The following ZNF385A variants were observed in gnomAD, a reference collection of about 807,000 sequenced individuals.
ZNF385A encodes hematopoietic zinc finger protein.
A neutral mutation model predicts 32.1 loss-of-function variants in ZNF385A; 14 were observed. The ratio of observed to expected loss-of-function variants is 0.44; its 90% CI spans 0.29 to 0.68. The LOEUF is 0.68. Among genes scored for constraint, ZNF385A ranks in the 30% least tolerant of loss-of-function variants. The probability of loss-of-function intolerance (pLI) is 0.14; values close to 1 mark genes in which losing one functional copy is unlikely to be tolerated. For missense variants in ZNF385A, 406 were observed against 478.4 expected (o/e 0.85, Z 1.41); for synonymous variants, 197 against 202.7 (o/e 0.97, Z 0.24).
rs1305223778 is a variant in ZNF385A at position 54,375,778 on chromosome 12, C to T, written c.198+66G>A. ...GTAAGTGTTCTCACCCAGCCTCTGC[C>T]CTCCCTCAAGTTCCCCTGCTGCCCC... On this transcript the variant is annotated intron_variant, in intron 2 of 6. Coordinates refer to ENST00000394313, the MANE Select transcript of ZNF385A (RefSeq NM_015481.3). The T allele has an allele frequency of 2.2e-6, 3 of 1,392,530 alleles. No individual in the cohort carries two copies. In the African/African-American group the frequency reaches 4.3e-5, roughly 20 times the overall value. The allele number at this position is 1,392,530 out of a possible 1,614,324, so 86.3% of individuals were successfully genotyped here.
upstream of ZNF385A, among the ~76,000 whole-genome samples, chr12:54,388,605 A>T (rs1955555273): frequency 6.6e-6 from 1 of 152,110 alleles, no homozygotes; most frequent in South Asian, 2.1e-4. Context: ...GATCAGAGAG[A>T]GATATTGGGG....
At chr12:54,381,168 C>T (rs1284599601) in intron 1 of ZNF385A, 4 of 147,664 alleles carry the variant, frequency 2.7e-5, no homozygotes, top group Admixed American at 6.8e-5. Context: ...TGCACTCCAG[C>T]CTGGGGGACA....
rs1171166652 is a variant in ZNF385A, at chr12:54,370,733, A to G, written c.775-12T>C. ...CGGCTGGAGATGTGCTGCGGGGGCC[A>G]GTGGATAGGGGGCTGTGAGCTCCCG... On this transcript the variant is annotated splice_polypyrimidine_tract_variant and intron_variant, in intron 5 of 6. Transcript: ENST00000394313. The surrounding 1 kb of genome is among the most constrained non-coding windows in gnomAD (Gnocchi z 5.5). The G allele has an allele frequency of 1.3e-6, 2 of 1,582,468 alleles. No individual in the cohort carries two copies. The highest frequency in any genetic ancestry group is 1.8e-5 in the Admixed American group (1 of 55,816).
upstream of ZNF385A, chr12:54,385,590 G>T (rs1007418722): frequency 4.1e-6 from 4 of 968,666 alleles, no homozygotes; most frequent in African/African-American, 5.3e-5. Context: ...CTGCGTGCTT[G>T]GCCCGTCCTC....
chr12:54,379,267 G>A, intron 1 of ZNF385A: 1 of 900,824 alleles, frequency 1.1e-6, no homozygotes. Context: ...GGCCGAGGAC[G>A]GGGGCGGGGA....
chr12:54,379,059 G>A, intron 1 of ZNF385A: 1 of 984,114 alleles, frequency 1.0e-6, no homozygotes, highest in Non-Finnish European at 1.2e-6. Context: ...GGGGCCGGGT[G>A]GCTTACCCTG....
chr12:54,374,156 A>T (rs373542422), intron 2 of ZNF385A, 21 bp from the exon 3 acceptor site: 7 of 1,481,914 alleles, frequency 4.7e-6, no homozygotes, highest in Non-Finnish European at 6.3e-6. Context: ...GGAGGAAGAA[A>T]ATGGAATCTG....
chr12:54,384,497 G>A lies in ZNF385A; in HGVS notation c.18C>T (p.Asp6=). The A allele has an allele frequency of 6.4e-7, 1 of 1,571,366 alleles. No homozygotes were observed. Among genetic ancestry groups the A allele is most frequent in the African/African-American group, 1.4e-5 (1 of 73,224 alleles). The change falls in exon 1 of 7, where the codon GAC becomes GAT. Residue 6 remains aspartate, a synonymous_variant. Transcript: ENST00000394313. MQPPL[D]LKQILPFPLE... ...GTGGGAAGGGCAGGATCTGCTTGAGGTCCAGTGGGGGCTGCATGATCGGGG... is the reference window on the plus strand; with the variant it reads ...GTGGGAAGGGCAGGATCTGCTTGAGATCCAGTGGGGGCTGCATGATCGGGG...
chr12:54,370,137 TGG>T lies in ZNF385A; in HGVS notation c.*117_*118del, dbSNP rs3215379. ...TTTCCTGGAACCCCGTATCTCGGGG[TGG>T]GGGGGGGGAAGGAGAGATCATTTAG... On this transcript the variant is annotated 3_prime_UTR_variant, in exon 7 of 7. Transcript: ENST00000394313. This position sits in a 1 kb window ranked among gnomAD's most constrained non-coding sequence, Gnocchi z 5.5. 235 of 462,072 alleles carry T rather than the reference TGG, an allele frequency of 5.1e-4. 1 individual carries two copies. Among genetic ancestry groups the T allele is most frequent in the African/African-American group, 4.7e-3 (158 of 33,628 alleles). 28.6% of individuals were successfully genotyped at this position (462,072 alleles called of 1,614,324 possible).
rs1024386691 is a variant in ZNF385A at position 54,379,119 on chromosome 12, T to TGG, written c.88-3167_88-3166dup. ...ATGGCCCGGGGTGGCGGACCCGGGC[T>TGG]GGGGGGCCGCGCCTGGCCGGGCCGG... is the stretch of plus-strand genomic sequence containing the variant. On this transcript the variant is annotated intron_variant, in intron 1 of 6. Coordinates refer to ENST00000394313, the MANE Select transcript of ZNF385A (RefSeq NM_015481.3). 4.1e-6 allele frequency: 4 copies of TGG among 975,774 alleles called. No homozygotes were observed. In the Admixed American group the frequency reaches 2.6e-4, roughly 62 times the overall value. The allele number at this position is 975,774 out of a possible 1,614,324, so 60.4% of individuals were successfully genotyped here.
Position 54,371,571 on chromosome 12 carries a change from C to G in ZNF385A, c.506G>C (p.Gly169Ala). Reference protein sequence around the residue: ...GTPAPASLPGGSKEEEEKAKR... With the variant: ...GTPAPASLPGASKEEEEKAKR... ...GGCTTTCTCCTCCTCTTCCTTGCTACCCCCAGGCAAGGAAGCCGGGGCTGG... is the reference window on the plus strand; with the variant it reads ...GGCTTTCTCCTCCTCTTCCTTGCTAGCCCCAGGCAAGGAAGCCGGGGCTGG... The change falls in exon 4 of 7, where the codon GGT becomes GCT. Residue 169 changes from glycine (G) to alanine (A), a missense_variant. By Grantham distance (60) the Gly-to-Ala change is moderately conservative. Coordinates refer to ENST00000394313, the MANE Select transcript of ZNF385A (RefSeq NM_015481.3). The G allele has an allele frequency of 6.2e-7, 1 of 1,613,682 alleles. No homozygotes were observed. The highest frequency in any genetic ancestry group is 8.5e-7 in the Non-Finnish European group (1 of 1,179,806).
chr12:54,375,733 A>T, intron 2 of ZNF385A, 111 bp downstream of exon 2: 2 of 905,326 alleles, frequency 2.2e-6, no homozygotes, highest in Non-Finnish European at 1.8e-6. Flanking sequence ...TATCCCCTTA[A>T]TCCCTGCCCC....
intron 1 of ZNF385A, among the ~76,000 whole-genome samples, chr12:54,381,120 C>G (rs1231890073): frequency 6.8e-6 from 1 of 147,808 alleles, no homozygotes; most frequent in Non-Finnish European, 1.5e-5. Flanking sequence ...TACTTGAACC[C>G]AAGAGGCTGA....
At chr12:54,387,030 G>C (rs1442156106), upstream of ZNF385A, among the ~76,000 whole-genome samples, 4 of 152,192 alleles carry the variant, frequency 2.6e-5, no homozygotes, top group Non-Finnish European at 4.4e-5. Context: ...AGATCTGCTG[G>C]ACTCTACAGC....
chr12:54,389,633 G>T (rs1001528341), upstream of ZNF385A, among the ~76,000 whole-genome samples: 12 of 152,166 alleles, frequency 7.9e-5, no homozygotes, highest in African/African-American at 2.9e-4. Context: ...GGGAAAGCAC[G>T]GCTTATGCCA....
intron 4 of ZNF385A, 93 bp from the exon 5 acceptor site, chr12:54,371,189 G>T: frequency 7.2e-7 from 1 of 1,390,128 alleles, no homozygotes; most frequent in Non-Finnish European, 9.7e-7. Context: ...TACAATATGA[G>T]GGGGAAGAGG....
In ZNF385A at chr12:54,371,658, G is replaced by C; in HGVS notation, c.419C>G (p.Ser140Cys). ...CTCCGGAATGCTGGGAGGGGATGGG[G>C]AGCCAGGCTGTTTCTCTGGGGATCC... ...APGSPEKQPGSPSPPSIPETG... is the reference protein window; with the variant it reads ...APGSPEKQPGCPSPPSIPETG... The change falls in exon 4 of 7, where the codon TCC becomes TGC. Residue 140 changes from serine (S) to cysteine (C), a missense_variant. By Grantham distance (112) the Ser-to-Cys change is moderately radical. Transcript: ENST00000394313. 6.2e-7 allele frequency: 1 copy of C among 1,610,384 alleles called. No homozygotes were observed. Among genetic ancestry groups the C allele is most frequent in the Non-Finnish European group, 8.5e-7 (1 of 1,178,888 alleles).
In ZNF385A at chr12:54,370,142, G is replaced by C. The variant is rs534737195; in HGVS notation, c.*114C>G. 42 of 795,058 alleles carry C rather than the reference G, an allele frequency of 5.3e-5. No homozygotes were observed. The Admixed American group carries it at 1.3e-3, about 25-fold the overall frequency. 49.3% of individuals were successfully genotyped at this position (795,058 alleles called of 1,614,324 possible). On this transcript the variant is annotated 3_prime_UTR_variant, in exon 7 of 7. Transcript: ENST00000394313. This position sits in a 1 kb window ranked among gnomAD's most constrained non-coding sequence, Gnocchi z 5.5. ...TGGAACCCCGTATCTCGGGGTGGGG[G>C]GGGGGAAGGAGAGATCATTTAGGGA...
chr12:54,385,725 C>G (rs970885806), upstream of ZNF385A: 9 of 954,226 alleles, frequency 9.4e-6, no homozygotes, highest in Admixed American at 1.2e-4. Context: ...CCTGGCCCCC[C>G]AGGGGCCTGG....
Sources: gnomAD v4.1 joint callset for allele counts (sites outside exome capture counted in the v4.1 genomes callset) on GRCh38, gnomAD v4.1.1 for gene constraint, Gnocchi (gnomAD v3.1) non-coding constraint, MANE v1.5 for transcripts, NCBI Gene and HGNC (gene_info 2026-07-23, HGNC 2026-07-21) for gene names.